KCNH5: variants seen among roughly 807,000 people sequenced by gnomAD.
The protein encoded by KCNH5 is voltage-gated delayed rectifier potassium channel KCNH5.
Under a neutral mutation model 96.1 loss-of-function variants are expected in KCNH5, and 46 were observed. The ratio of observed to expected loss-of-function variants is 0.48; its 90% CI spans 0.38 to 0.61. The LOEUF (loss-of-function observed/expected upper bound fraction) is 0.61, where lower values mean the gene tolerates loss of function less well. Ranked by LOEUF, KCNH5 falls within the 20% of genes least tolerant of loss-of-function variation. The pLI, the probability that KCNH5 is intolerant of heterozygous loss-of-function variation, is 0.00. For synonymous variants in KCNH5, 439 were observed against 449.8 expected, an observed-to-expected ratio of 0.98 and a Z score of 0.30; for missense variants, 907 against 1,225.8, an observed-to-expected ratio of 0.74 and a Z score of 3.88.
intron 6 of KCNH5, among the ~76,000 whole-genome samples, chr14:62,961,430 C>T (rs181671700): frequency 1.9e-3 from 285 of 152,246 alleles, no homozygotes; most frequent in African/African-American, 6.6e-3. Flanking sequence ...ATGTAACCCC[C>T]TCAGAGACAC....
At chr14:62,764,732 C>T (rs1885823441) in intron 10 of KCNH5, among the ~76,000 whole-genome samples, 2 of 152,102 alleles carry the variant, frequency 1.3e-5, no homozygotes, top group African/African-American at 4.8e-5. Flanking sequence ...CAATGTCCAA[C>T]CTGACAGCCA....
chr14:62,831,332 A>G (rs1336667499), intron 8 of KCNH5, among the ~76,000 whole-genome samples: 2 of 152,212 alleles, frequency 1.3e-5, no homozygotes, highest in Non-Finnish European at 2.9e-5. Flanking sequence ...CTGTAGCTAC[A>G]CTATGAAAGT....
intron 7 of KCNH5, among the ~76,000 whole-genome samples, chr14:62,886,801 T>C (rs1407472083): frequency 6.6e-6 from 1 of 152,204 alleles, no homozygotes; most frequent in Admixed American, 6.5e-5. Flanking sequence ...TTTGAAAATA[T>C]ACAAATTACT....
chr14:62,824,775 CCT>C (rs1452584429), intron 8 of KCNH5, among the ~76,000 whole-genome samples: 2 of 152,002 alleles, frequency 1.3e-5, no homozygotes, highest in African/African-American at 4.8e-5. Flanking sequence ...CTTCTCCCTC[CCT>C]GTCTCCTCTA....
chr14:62,840,722 A>G (rs1446238169), intron 8 of KCNH5, among the ~76,000 whole-genome samples: 1 of 149,506 alleles, frequency 6.7e-6, no homozygotes, highest in Non-Finnish European at 1.5e-5. Context: ...AGTACGCGCC[A>G]CCACATCCAG....
intron 10 of KCNH5, among the ~76,000 whole-genome samples, chr14:62,752,624 T>G (rs1006652202): frequency 5.3e-5 from 8 of 152,092 alleles, no homozygotes; most frequent in Admixed American, 4.6e-4. Context: ...CTAATATGGT[T>G]TGGCTCTGTG....
Position 63,001,307 on chromosome 14 carries a change from T to C in KCNH5, c.433+24A>G, listed in dbSNP as rs145226697. ...TTTTAGCAACAGCCTAATTTTTCAG[T>C]GTAGTAATTCTTTTGAAAATTACCT... On this transcript the variant is annotated intron_variant, in intron 4 of 10. Coordinates refer to ENST00000322893, the MANE Select transcript of KCNH5 (RefSeq NM_139318.5). 1.2e-4 allele frequency: 193 copies of C among 1,578,956 alleles called. 2 individuals are homozygous for C. In the East Asian group the frequency reaches 4.3e-3, roughly 35 times the overall value.
intron 7 of KCNH5, among the ~76,000 whole-genome samples, chr14:62,878,189 C>G (rs1407354262): frequency 1.3e-5 from 1 of 74,262 alleles, no homozygotes; most frequent in African/African-American, 6.5e-5. Flanking sequence ...ACTCTGGGGA[C>G]TGTTGTGGGG....
At chr14:62,903,153 T>A (rs774804384) in intron 7 of KCNH5, among the ~76,000 whole-genome samples, 15 of 152,150 alleles carry the variant, frequency 9.9e-5, no homozygotes, top group South Asian at 2.1e-4. Flanking sequence ...TGTGTAGGAG[T>A]ACAATACAGT....
At chr14:62,977,822 G>A (rs966498886) in intron 6 of KCNH5, among the ~76,000 whole-genome samples, 1 of 152,094 alleles carries the variant, frequency 6.6e-6, no homozygotes, top group South Asian at 2.1e-4. Context: ...TAAATGCCTG[G>A]GAAGGACAAA....
intron 9 of KCNH5, 49 bp downstream of exon 9, chr14:62,802,280 T>G (rs2139999844): frequency 1.9e-6 from 3 of 1,576,620 alleles, no homozygotes; most frequent in Non-Finnish European, 2.6e-6. Flanking sequence ...GCAAAATATC[T>G]AAAACTGTTA....
At chr14:62,732,666 C>T (rs1252965433) in intron 10 of KCNH5, among the ~76,000 whole-genome samples, 1 of 152,142 alleles carries the variant, frequency 6.6e-6, no homozygotes, top group Non-Finnish European at 1.5e-5. Context: ...GCCTGTATGA[C>T]TATTTTGATG....
rs753988806 is a variant in KCNH5, at chr14:63,045,063, G to T, written c.73+51C>A. ...GGATGGGATGGGGAGGATGGGGGGC[G>T]CGTGTGGGCGGGATGGAGGTGGGGG... On this transcript the variant is annotated intron_variant, in intron 1 of 10. Transcript: ENST00000322893. The T allele has an allele frequency of 2.9e-6, 4 of 1,369,680 alleles. No homozygotes were observed. The East Asian group carries it at 6.9e-5, about 23-fold the overall frequency. The allele number at this position is 1,369,680 out of a possible 1,614,324, so 84.8% of individuals were successfully genotyped here. A position where few individuals can be genotyped will look rare whatever the true frequency, so the allele number is the denominator to read the frequency against.
intron 1 of KCNH5, among the ~76,000 whole-genome samples, chr14:63,037,553 A>G (rs550247957): frequency 6.6e-6 from 1 of 152,288 alleles, no homozygotes; most frequent in Non-Finnish European, 1.5e-5. Context: ...TTGTAAATGT[A>G]TAAAAATAAA....
intron 9 of KCNH5, among the ~76,000 whole-genome samples, chr14:62,800,627 C>A (rs1462981305): frequency 1.3e-5 from 2 of 151,964 alleles, no homozygotes; most frequent in Non-Finnish European, 2.9e-5. Flanking sequence ...TTTTCCTACC[C>A]ACGTTTGATG....
intron 7 of KCNH5, among the ~76,000 whole-genome samples, chr14:62,916,031 C>A (rs1889267987): frequency 6.7e-6 from 1 of 149,670 alleles, no homozygotes; most frequent in Admixed American, 6.7e-5. Context: ...TGGCTCACTG[C>A]AAGCTCTGCC....
intron 6 of KCNH5, among the ~76,000 whole-genome samples, chr14:62,965,408 A>T (rs1001347808): frequency 6.6e-6 from 1 of 152,134 alleles, no homozygotes; most frequent in African/African-American, 2.4e-5. Context: ...AGATTTTTCT[A>T]GAGCCAGGAC....
At chr14:63,005,181 T>C (rs1414553452) in intron 3 of KCNH5, among the ~76,000 whole-genome samples, 4 of 152,198 alleles carry the variant, frequency 2.6e-5, no homozygotes, top group Non-Finnish European at 4.4e-5. Flanking sequence ...TAGCTATGAC[T>C]TCAAACTGAA....
At chr14:62,970,860 G>C (rs1360124875) in intron 6 of KCNH5, among the ~76,000 whole-genome samples, 5 of 146,014 alleles carry the variant, frequency 3.4e-5, no homozygotes, top group Non-Finnish European at 6.1e-5. Flanking sequence ...ACATGATAAA[G>C]AACATCTACC....
Sources: gnomAD v4.1 joint callset for allele counts (sites outside exome capture counted in the v4.1 genomes callset) on GRCh38, gnomAD v4.1.1 for gene constraint, MANE v1.5 for transcripts, NCBI Gene and HGNC (gene_info 2026-07-23, HGNC 2026-07-21) for gene names.